C2orf69: variants seen among roughly 807,000 people sequenced by gnomAD.
C2orf69 encodes chromosome 2 open reading frame 69, also known as mitochondrial protein C2orf69.
A neutral mutation model predicts 29.5 loss-of-function variants in C2orf69; 19 were observed. That is an observed-to-expected ratio of 0.65 (90% confidence interval 0.45 to 0.95). C2orf69 has a LOEUF of 0.95. Ranked by LOEUF, C2orf69 falls within the 40% of genes least tolerant of loss-of-function variation. C2orf69 has a pLI of 0.00. For missense variants in C2orf69, 416 were observed against 482.1 expected, an observed-to-expected ratio of 0.86 and a Z score of 1.28; for synonymous variants, 194 against 180.0, an observed-to-expected ratio of 1.08 and a Z score of -0.62.
rs2077257222 is a variant in C2orf69, at chr2:199,911,437, C to T, written c.-2C>T. 7.9e-6 allele frequency: 12 copies of T among 1,524,706 alleles called. No individual in the cohort carries two copies. Among genetic ancestry groups the T allele is most frequent in the Non-Finnish European group, 1.1e-5 (12 of 1,135,850 alleles). 94.4% of individuals were successfully genotyped at this position (1,524,706 alleles called of 1,614,324 possible). On this transcript the variant is annotated 5_prime_UTR_variant, in exon 1 of 2. Coordinates refer to ENST00000319974, the MANE Select transcript of C2orf69 (RefSeq NM_153689.6). ...TCCGAACCGCTCTCGCGGCGGCGAC[C>T]CATGTGGGGGTTCAGGCTCCTGCGG...
intron 1 of C2orf69, among the ~76,000 whole-genome samples, chr2:199,918,439 G>A (rs553137190): frequency 4.6e-5 from 7 of 152,268 alleles, no homozygotes; most frequent in South Asian, 2.1e-4. Flanking sequence ...TCGGCTCACT[G>A]CAACCTCCGT....
rs766581649 is a variant in C2orf69 at position 199,925,455 on chromosome 2, G to C, written c.727G>C (p.Glu243Gln). ...AGTGAGGACCTGTGAAAAATCTGAT[G>C]AGTCTGCCATGAGTTTTTATCCACC... ...EKVRTCEKSD[E>Q]SAMSFYPPSL... Residue 243 changes from glutamate to glutamine, a missense_variant, in exon 2 of 2, where the codon GAG becomes CAG. Glu to Gln is a conservative substitution (Grantham distance 29). Coordinates refer to ENST00000319974, the MANE Select transcript of C2orf69 (RefSeq NM_153689.6). This position sits in a 1 kb window ranked among gnomAD's most constrained non-coding sequence, Gnocchi z 4.9. 6.2e-7 allele frequency: 1 copy of C among 1,613,668 alleles called. No homozygotes were observed. The highest frequency in any genetic ancestry group is 1.3e-5 in the African/African-American group (1 of 74,926).
rs1205538168 is a variant in C2orf69, at chr2:199,927,283, G to A, written c.*1397G>A. The stretch of plus-strand genomic sequence containing the variant: ...AGCTTTTGCAGGTAATGAAATAGCA[G>A]GGAAGTAACATGCTGCTTTAGGACT... On this transcript the variant is annotated 3_prime_UTR_variant, in exon 2 of 2. Transcript: ENST00000319974. 1.4e-5 allele frequency: 2 copies of A among 143,616 alleles called. No homozygotes were observed. The highest frequency in any genetic ancestry group is 5.2e-5 in the African/African-American group (2 of 38,618). 8.9% of individuals were successfully genotyped at this position (143,616 alleles called of 1,614,324 possible). A position where few individuals can be genotyped will look rare whatever the true frequency, so the allele number is the denominator to read the frequency against.
intron 1 of C2orf69, among the ~76,000 whole-genome samples, chr2:199,920,712 T>G (rs2077312183): frequency 6.6e-6 from 1 of 151,892 alleles, no homozygotes; most frequent in Non-Finnish European, 1.5e-5. Flanking sequence ...ATCCCAGCAC[T>G]TTGGGAGACC....
chr2:199,920,817 A>G (rs1335510978), intron 1 of C2orf69, among the ~76,000 whole-genome samples: 4 of 150,574 alleles, frequency 2.7e-5, no homozygotes, highest in African/African-American at 7.3e-5. Flanking sequence ...TTAGCCGGGC[A>G]TGGTGGCGCG....
rs969164550 is a variant in C2orf69, at chr2:199,922,241, G to T, written c.334-2821G>T. On this transcript the variant is annotated intron_variant, in intron 1 of 1. Coordinates refer to ENST00000319974, the MANE Select transcript of C2orf69 (RefSeq NM_153689.6). Reference sequence around the variant, plus strand: ...CTCCCGAGTAGCTGGGACTACAGGGGCACACCACCACACCCTGCCAATTTT... The same window carrying T: ...CTCCCGAGTAGCTGGGACTACAGGGTCACACCACCACACCCTGCCAATTTT... 2.6e-5 allele frequency among the ~76,000 whole-genome samples: 4 copies of T among 151,402 alleles called. No individual in the cohort carries two copies. The East Asian group carries it at 7.8e-4, about 29-fold the overall frequency.
chr2:199,913,820 A>C (rs2077283682), intron 1 of C2orf69, among the ~76,000 whole-genome samples: 1 of 151,956 alleles, frequency 6.6e-6, no homozygotes, highest in Non-Finnish European at 1.5e-5. Flanking sequence ...TGATGATGAT[A>C]ATGATTACAT....
In C2orf69 at chr2:199,927,978, GAGTA is replaced by G. The variant is rs1481031729; in HGVS notation, c.*2096_*2099del. The G allele has an allele frequency of 6.6e-6, 1 of 152,286 alleles. No individual in the cohort carries two copies. The highest frequency in any genetic ancestry group is 2.4e-5 in the African/African-American group (1 of 41,336). The allele number at this position is 152,286 out of a possible 1,614,324, so 9.4% of individuals were successfully genotyped here. A position where few individuals can be genotyped will look rare whatever the true frequency, so the allele number is the denominator to read the frequency against. On this transcript the variant is annotated 3_prime_UTR_variant, in exon 2 of 2. Transcript: ENST00000319974. Reference sequence around the variant, plus strand: ...TTGTTACATGTTGAATGGGTATTAAGAGTAAGTCACCAGGTACACAAAACTGCCA... The same window carrying G: ...TTGTTACATGTTGAATGGGTATTAAGAGTCACCAGGTACACAAAACTGCCA...
intron 1 of C2orf69, among the ~76,000 whole-genome samples, chr2:199,921,001 G>GTTTTTT (rs71019096): frequency 2.5e-4 from 17 of 67,038 alleles, no homozygotes; most frequent in South Asian, 1.5e-3. Flanking sequence ...CTAGGAATTA[G>GTTTTTT]TTTTTTTTTT....
intron 1 of C2orf69, among the ~76,000 whole-genome samples, chr2:199,920,722 C>T (rs1012240586): frequency 2.2e-4 from 34 of 151,838 alleles, no homozygotes; most frequent in African/African-American, 4.1e-4. Flanking sequence ...TTTGGGAGAC[C>T]GAAGCGGGTG....
At chr2:199,923,182 G>A (rs974922011) in intron 1 of C2orf69, among the ~76,000 whole-genome samples, 7 of 152,144 alleles carry the variant, frequency 4.6e-5, no homozygotes, top group Non-Finnish European at 1.0e-4. Flanking sequence ...TGACCATTCT[G>A]TGTTAAGTAA....
In C2orf69 at chr2:199,911,673, G is replaced by A. The variant is rs1323709865; in HGVS notation, c.235G>A (p.Glu79Lys). Residue 79 changes from glutamate (E) to lysine (K), a missense_variant, in exon 1 of 2, where the codon GAG (glutamate) becomes AAG (lysine). Physicochemically the swap from Glu to Lys is moderately conservative, Grantham distance 56. This residue lies in a region of C2orf69 where 175 missense variants were observed against 139.9 expected (regional missense o/e 1.25). Transcript: ENST00000319974. Reference sequence around the variant, plus strand: ...ATTGCTCCTGTTGGCGGCGGCCGGGGAGGGACTGGAGCGGCAGGACCTCCC... The same window carrying A: ...ATTGCTCCTGTTGGCGGCGGCCGGGAAGGGACTGGAGCGGCAGGACCTCCC... The part of the protein sequence containing the change: ...NELLLLAAAG[E>K]GLERQDLPGD... 1 of 1,547,888 alleles carries A rather than the reference G, an allele frequency of 6.5e-7. No homozygotes were observed. The highest frequency in any genetic ancestry group is 8.7e-7 in the Non-Finnish European group (1 of 1,146,826).
At chr2:199,923,231 A>T (rs559460186) in intron 1 of C2orf69, among the ~76,000 whole-genome samples, 2 of 152,094 alleles carry the variant, frequency 1.3e-5, no homozygotes, top group African/African-American at 4.8e-5. Context: ...CTGCTTTATT[A>T]TGTTCCGTTG....
intron 1 of C2orf69, 37 bp downstream of exon 1, chr2:199,911,808 C>T (rs538925979): frequency 6.5e-7 from 1 of 1,536,256 alleles, no homozygotes; most frequent in South Asian, 1.2e-5. Flanking sequence ...GTTCCTTCCT[C>T]TCGTGTATAC....
At chr2:199,923,203 C>T (rs2077323759) in intron 1 of C2orf69, among the ~76,000 whole-genome samples, 1 of 152,200 alleles carries the variant, frequency 6.6e-6, no homozygotes, top group Non-Finnish European at 1.5e-5. Context: ...TAATTTTCCA[C>T]CTTGTATTCC....
chr2:199,922,992 C>G (rs1022807664), intron 1 of C2orf69, among the ~76,000 whole-genome samples: 7 of 152,294 alleles, frequency 4.6e-5, no homozygotes, highest in Non-Finnish European at 1.0e-4. Flanking sequence ...ATCACATTTG[C>G]TACTGTTGAC....
chr2:199,916,716 T>C (rs1184183628), intron 1 of C2orf69, among the ~76,000 whole-genome samples: 1 of 152,218 alleles, frequency 6.6e-6, no homozygotes, highest in Non-Finnish European at 1.5e-5. Flanking sequence ...AATGATCTCC[T>C]TTAACTCCAT....
intron 1 of C2orf69, among the ~76,000 whole-genome samples, chr2:199,922,184 C>T (rs568393777): frequency 1.3e-5 from 2 of 151,704 alleles, no homozygotes; most frequent in East Asian, 3.9e-4. Context: ...CAACCTCCAC[C>T]TCCTGGGCTC....
intron 1 of C2orf69, among the ~76,000 whole-genome samples, chr2:199,921,005 T>TG (rs2077313704): frequency 2.4e-5 from 3 of 124,574 alleles, no homozygotes; most frequent in Non-Finnish European, 3.4e-5. Context: ...GAATTAGTTT[T>TG]TTTTTTTTTT....
Sources: gnomAD v4.1 joint callset for allele counts (sites outside exome capture counted in the v4.1 genomes callset) on GRCh38, gnomAD v4.1.1 for gene constraint, gnomAD v4.1.1 regional missense constraint, Gnocchi (gnomAD v3.1) non-coding constraint, MANE v1.5 for transcripts, NCBI Gene and HGNC (gene_info 2026-07-23, HGNC 2026-07-21) for gene names.